The following ADGRF1 variants were observed in gnomAD, a reference collection of about 807,000 sequenced individuals.
ADGRF1 encodes the protein G protein-coupled receptor 110.
Under a neutral mutation model 87.2 loss-of-function variants are expected in ADGRF1, and 85 were observed. That is an observed-to-expected ratio of 0.97 (90% CI 0.82 to 1.17). ADGRF1 has a LOEUF of 1.17. Among genes scored for constraint, ADGRF1 ranks in the 50% most tolerant of loss-of-function variants. The probability of loss-of-function intolerance (pLI) is 0.00; values close to 1 mark genes in which losing one functional copy is unlikely to be tolerated. For missense variants in ADGRF1, 1,169 were observed against 1,077.2 expected, an observed-to-expected ratio of 1.09 and a Z score of -1.19; for synonymous variants, 430 against 408.8, an observed-to-expected ratio of 1.05 and a Z score of -0.63.
intron 3 of ADGRF1, among the ~76,000 whole-genome samples, chr6:47,026,761 T>C (rs1438509858): frequency 6.6e-6 from 1 of 152,126 alleles, no homozygotes; most frequent in Non-Finnish European, 1.5e-5. Context: ...TCTCACACCA[T>C]TGCACCCCAC....
chr6:47,026,314 G>A (rs1561877910), intron 3 of ADGRF1, among the ~76,000 whole-genome samples: 2 of 152,050 alleles, frequency 1.3e-5, no homozygotes, highest in Non-Finnish European at 2.9e-5. Context: ...CCAGAGTCAA[G>A]CTTCAGGTGT....
chr6:47,041,255 G>A (rs1212897011), intron 1 of ADGRF1, among the ~76,000 whole-genome samples: 1 of 152,186 alleles, frequency 6.6e-6, no homozygotes, highest in Non-Finnish European at 1.5e-5. Context: ...TGACAACAGA[G>A]CATAATAAAA....
At position 47,018,503 on chromosome 6, in the gene ADGRF1, A is replaced by G. The variant is rs1443313868; in HGVS notation, c.612-1735T>C. On this transcript the variant is annotated intron_variant, in intron 7 of 14. Coordinates refer to ENST00000371253, the MANE Select transcript of ADGRF1 (RefSeq NM_153840.4). ...ACCTTTGTATTGATATGTCCATTCTATTGATTACAGAGTATTTTCCTGCTT... is the reference window on the plus strand; with the variant it reads ...ACCTTTGTATTGATATGTCCATTCTGTTGATTACAGAGTATTTTCCTGCTT... The G allele has an allele frequency of 3.1e-6, 4 of 1,289,638 alleles. No individual in the cohort carries two copies. The Admixed American group carries it at 9.2e-5, about 30-fold the overall frequency. 79.9% of individuals were successfully genotyped at this position (1,289,638 alleles called of 1,614,324 possible).
At chr6:47,027,074 T>C (rs146845415) in intron 3 of ADGRF1, among the ~76,000 whole-genome samples, 1 of 152,322 alleles carries the variant, frequency 6.6e-6, no homozygotes, top group East Asian at 1.9e-4. Flanking sequence ...AGGGTTTAAT[T>C]CATCTAATGC....
At chr6:47,041,356 T>TG (rs1434603801) in intron 1 of ADGRF1, among the ~76,000 whole-genome samples, 2 of 152,192 alleles carry the variant, frequency 1.3e-5, no homozygotes, top group African/African-American at 4.8e-5. Context: ...AGCCCATGAA[T>TG]GCTATTATCA....
intron 2 of ADGRF1, among the ~76,000 whole-genome samples, chr6:47,028,058 C>T (rs535111714): frequency 6.6e-6 from 1 of 152,166 alleles, no homozygotes; most frequent in Non-Finnish European, 1.5e-5. Flanking sequence ...TTGTGCAGAC[C>T]TTTATAGGCC....
In ADGRF1 at chr6:47,000,012, T is replaced by C. The variant is rs781411065; in HGVS notation, c.*210A>G. 1.0e-4 allele frequency: 50 copies of C among 480,848 alleles called. No individual in the cohort carries two copies. The highest frequency in any genetic ancestry group is 1.7e-4 in the Non-Finnish European group (45 of 266,362). 29.8% of individuals were successfully genotyped at this position (480,848 alleles called of 1,614,324 possible). On this transcript the variant is annotated 3_prime_UTR_variant, in exon 15 of 15. Transcript: ENST00000371253. ...CTTCTGCATTTATGGAGCACTTTCT[T>C]TGAATCAAATCACATGGAAATAAAT...
chr6:47,014,774 G>T lies in ADGRF1; in HGVS notation c.834C>A (p.Gly278=). The change falls in exon 9 of 15, where the codon GGC becomes GGA. Residue 278 remains glycine (G), a synonymous_variant. Transcript: ENST00000371253. ...DDEYTLPCSS[G]YRGNITAKCE... ...ACTTGGCTGTGATGTTTCCCCTGTA[G>T]CCACTGCTGCAGGGCAGGGTATATT... 2.5e-6 allele frequency: 4 copies of T among 1,614,014 alleles called. No individual in the cohort carries two copies. Among genetic ancestry groups the T allele is most frequent in the Non-Finnish European group, 3.4e-6 (4 of 1,179,966 alleles).
Position 47,009,158 on chromosome 6 carries a change from G to A in ADGRF1, c.2277C>T (p.Phe759=), listed in dbSNP as rs772668502. The change falls in exon 11 of 15, where the codon TTC becomes TTT. Residue 759 remains phenylalanine, a synonymous_variant. Transcript: ENST00000371253. ...VPALAIVAVN[F]VVVLLVLTKL... ...TTGTGAGAACTAGCAGCACCACAAC[G>A]AAGTTCACAGCCACAATAGCCAGTG... is the stretch of plus-strand genomic sequence containing the variant. 2.0e-5 allele frequency: 32 copies of A among 1,614,028 alleles called. No homozygotes were observed. Among genetic ancestry groups the A allele is most frequent in the South Asian group, 1.9e-4 (17 of 91,090 alleles).
At position 46,999,630 on chromosome 6, in the gene ADGRF1, T is replaced by C. The variant is rs1779306001; in HGVS notation, c.*592A>G. Reference sequence around the variant, plus strand: ...TCACATTATTATACTTTCTGATAAATGGTTACAAAGCTATCTGAAATAGAA... The same window carrying C: ...TCACATTATTATACTTTCTGATAAACGGTTACAAAGCTATCTGAAATAGAA... On this transcript the variant is annotated 3_prime_UTR_variant, in exon 15 of 15. Transcript: ENST00000371253. 6.6e-6 allele frequency: 1 copy of C among 152,514 alleles called. No homozygotes were observed. Among genetic ancestry groups the C allele is most frequent in the Non-Finnish European group, 1.5e-5 (1 of 68,264 alleles). 9.4% of individuals were successfully genotyped at this position (152,514 alleles called of 1,614,324 possible).
At chr6:47,030,606 G>GTC (rs1373814364) in intron 1 of ADGRF1, among the ~76,000 whole-genome samples, 1 of 151,768 alleles carries the variant, frequency 6.6e-6, no homozygotes, top group Non-Finnish European at 1.5e-5. Context: ...GTGTGTGTGT[G>GTC]TGTGTGTGTG....
intron 10 of ADGRF1, 73 bp from the exon 11 acceptor site, chr6:47,010,391 T>G: frequency 8.0e-7 from 1 of 1,246,324 alleles, no homozygotes; most frequent in East Asian, 2.5e-5. Flanking sequence ...GGATAGTCAT[T>G]AGCATTAAGA....
At chr6:47,024,736 A>G (rs1780172379) in intron 4 of ADGRF1, among the ~76,000 whole-genome samples, 2 of 152,238 alleles carry the variant, frequency 1.3e-5, no homozygotes, top group African/African-American at 4.8e-5. Context: ...TCTCACCAAA[A>G]GCTAGAAGGA....
intron 1 of ADGRF1, among the ~76,000 whole-genome samples, chr6:47,033,084 T>A (rs1052266628): frequency 6.6e-6 from 1 of 152,232 alleles, no homozygotes; most frequent in Non-Finnish European, 1.5e-5. Flanking sequence ...CCTTGTGTCC[T>A]TGCCACAGAT....
At chr6:47,030,172 G>A (rs150283917) in intron 1 of ADGRF1, among the ~76,000 whole-genome samples, 8 of 152,254 alleles carry the variant, frequency 5.3e-5, no homozygotes, top group Admixed American at 6.5e-5. Flanking sequence ...CTAAAAAGCC[G>A]AGAAAAGGCA....
chr6:47,012,923 C>G (rs1479119184), intron 9 of ADGRF1: 1 of 549,976 alleles, frequency 1.8e-6, no homozygotes, highest in East Asian at 1.5e-4. Flanking sequence ...GCATGCACCA[C>G]CACGCCCAGC....
intron 7 of ADGRF1, chr6:47,019,953 A>C: frequency 1.0e-6 from 1 of 986,238 alleles, no homozygotes; most frequent in South Asian, 4.7e-5. Context: ...TGATGTATAC[A>C]TGTTATCTGT....
chr6:47,022,304 C>T (rs558862524), intron 5 of ADGRF1, among the ~76,000 whole-genome samples: 13 of 152,246 alleles, frequency 8.5e-5, no homozygotes, highest in South Asian at 8.3e-4. Context: ...TAGGTAAATG[C>T]GTGGCCTCTC....
Position 47,014,717 on chromosome 6 carries a change from C to A in ADGRF1, c.891G>T (p.Glu297Asp). The A allele has an allele frequency of 1.2e-6, 2 of 1,613,792 alleles. No individual in the cohort carries two copies. The highest frequency in any genetic ancestry group is 8.5e-7 in the Non-Finnish European group (1 of 1,179,942). Residue 297 changes from glutamate (E) to aspartate (D), a missense_variant, in exon 9 of 15, where the codon GAG becomes GAT. Glu to Asp is a conservative substitution (Grantham distance 45, BLOSUM62 2). Coordinates refer to ENST00000371253, the MANE Select transcript of ADGRF1 (RefSeq NM_153840.4). The part of the protein sequence containing the change: ...CESSGWQVIR[E>D]TCVLSLLEEL... ...CTTCAAGCAGAGAGAGCACACAAGT[C>A]TCCCTGATGACCTGCCACCCAGAGG... is the stretch of plus-strand genomic sequence containing the variant.
Sources: allele counts gnomAD v4.1 joint callset (sites outside exome capture counted in the v4.1 genomes callset), GRCh38; gene constraint gnomAD v4.1.1; transcripts MANE v1.5; gene names NCBI Gene and HGNC (gene_info 2026-07-23, HGNC 2026-07-21).